The following RSPO2 variants were observed in gnomAD, a reference collection of about 807,000 sequenced individuals.
RSPO2 encodes R-spondin-2.
A neutral mutation model predicts 30.9 loss-of-function variants in RSPO2; 14 were observed. The observed-to-expected ratio is 0.45, with a 90% CI of 0.30 to 0.71. The LOEUF (loss-of-function observed/expected upper bound fraction) is 0.71, where lower values mean the gene tolerates loss of function less well. Among genes scored for constraint, RSPO2 ranks in the 30% least tolerant of loss-of-function variants. The pLI, the probability that RSPO2 is intolerant of heterozygous loss-of-function variation, is 0.08. For missense variants in RSPO2, 264 were observed against 301.9 expected (o/e 0.87, Z 0.93); for synonymous variants, 107 against 96.4 (o/e 1.11, Z -0.64).
chr8:107,962,079 A>G (rs1347600246), intron 3 of RSPO2, among the ~76,000 whole-genome samples: 3 of 152,236 alleles, frequency 2.0e-5, no homozygotes, highest in Admixed American at 6.5e-5. Flanking sequence ...CGCAATTGAC[A>G]GCACGTAAAG....
At chr8:108,067,743 A>G (rs1812716941) in intron 2 of RSPO2, among the ~76,000 whole-genome samples, 1 of 152,206 alleles carries the variant, frequency 6.6e-6, no homozygotes, top group African/African-American at 2.4e-5. Flanking sequence ...GATTTCACTA[A>G]TGCTCCATAA....
intron 2 of RSPO2, among the ~76,000 whole-genome samples, chr8:108,020,077 C>CAAA (rs34726560): frequency 1.8e-5 from 2 of 111,036 alleles, no homozygotes; most frequent in Non-Finnish European, 1.8e-5. Context: ...ATAAAAATTA[C>CAAA]AAAAAAAAAA....
At chr8:107,901,590 C>A (rs1396495267) in intron 5 of RSPO2, among the ~76,000 whole-genome samples, 1 of 152,242 alleles carries the variant, frequency 6.6e-6, no homozygotes, top group Non-Finnish European at 1.5e-5. Flanking sequence ...CTATCTATAG[C>A]AAACATACCA....
chr8:108,049,544 T>TC (rs1586658014), intron 2 of RSPO2, among the ~76,000 whole-genome samples: 1 of 152,024 alleles, frequency 6.6e-6, no homozygotes, highest in South Asian at 2.1e-4. Context: ...CCTCATGCTC[T>TC]CCCTCCCCTT....
chr8:107,990,349 C>T (rs1814806656), intron 2 of RSPO2, among the ~76,000 whole-genome samples: 1 of 152,162 alleles, frequency 6.6e-6, no homozygotes, highest in Non-Finnish European at 1.5e-5. Flanking sequence ...GACGCAACTT[C>T]AGCAAAGTCT....
chr8:108,082,059 CCA>C, intron 2 of RSPO2: 19 of 239,206 alleles, frequency 7.9e-5, no homozygotes, highest in South Asian at 3.0e-4. Context: ...CACCCACACA[CCA>C]CACACACACT....
intron 2 of RSPO2, among the ~76,000 whole-genome samples, chr8:108,062,041 T>C (rs1431029086): frequency 6.6e-6 from 1 of 151,726 alleles, no homozygotes; most frequent in Admixed American, 6.6e-5. Flanking sequence ...AAGCAGTGTG[T>C]AGAGGGAAAC....
chr8:107,915,511 GAGAATAGA>G (rs1811950674), intron 5 of RSPO2, among the ~76,000 whole-genome samples: 1 of 152,168 alleles, frequency 6.6e-6, no homozygotes, highest in African/African-American at 2.4e-5. Flanking sequence ...TTCTCAGATG[GAGAATAGA>G]AGGATAGTTT....
At chr8:107,919,771 T>C (rs1812094377) in intron 5 of RSPO2, among the ~76,000 whole-genome samples, 1 of 152,048 alleles carries the variant, frequency 6.6e-6, no homozygotes, top group Non-Finnish European at 1.5e-5. Flanking sequence ...CCTTAAAAAC[T>C]CTGATCCCTG....
chr8:108,033,511 G>C (rs1811495898), intron 2 of RSPO2, among the ~76,000 whole-genome samples: 1 of 152,182 alleles, frequency 6.6e-6, no homozygotes, highest in Non-Finnish European at 1.5e-5. Flanking sequence ...TCTTTTTCAA[G>C]TCAGAGTGTC....
At chr8:107,935,375 G>A (rs1005151798) in intron 5 of RSPO2, among the ~76,000 whole-genome samples, 1 of 152,024 alleles carries the variant, frequency 6.6e-6, no homozygotes, top group Non-Finnish European at 1.5e-5. Context: ...ATTTACCTTA[G>A]AATTTTGTAA....
chr8:107,984,583 T>A (rs995335705), intron 3 of RSPO2, among the ~76,000 whole-genome samples: 1 of 152,238 alleles, frequency 6.6e-6, no homozygotes, highest in African/African-American at 2.4e-5. Context: ...TATGCTTTTT[T>A]AAACAAATTA....
intron 2 of RSPO2, among the ~76,000 whole-genome samples, chr8:108,056,027 G>C (rs1812231563): frequency 6.6e-6 from 1 of 152,142 alleles, no homozygotes; most frequent in South Asian, 2.1e-4. Flanking sequence ...TCATCTTTAA[G>C]ATGGAGAGAA....
chr8:108,057,287 T>C (rs565843673), intron 2 of RSPO2, among the ~76,000 whole-genome samples: 1 of 151,964 alleles, frequency 6.6e-6, no homozygotes, highest in African/African-American at 2.4e-5. Flanking sequence ...CAAAACTTTA[T>C]ATTTATGTAG....
At chr8:108,068,345 C>T (rs1343146083) in intron 2 of RSPO2, among the ~76,000 whole-genome samples, 3 of 152,116 alleles carry the variant, frequency 2.0e-5, no homozygotes, top group Admixed American at 6.5e-5. Flanking sequence ...CAGGGGGTGC[C>T]ATTAATATTC....
chr8:107,981,613 T>C (rs1256779161), intron 3 of RSPO2, among the ~76,000 whole-genome samples: 8 of 152,180 alleles, frequency 5.3e-5, no homozygotes, highest in Admixed American at 4.6e-4. Context: ...ACCTAAATAG[T>C]GATCTTGGAG....
intron 2 of RSPO2, among the ~76,000 whole-genome samples, chr8:107,996,120 G>A (rs1186361289): frequency 6.6e-6 from 1 of 152,106 alleles, no homozygotes; most frequent in Non-Finnish European, 1.5e-5. Context: ...AAAAAATTGA[G>A]GGAGATGGGA....
chr8:108,005,149 G>A (rs1026076753), intron 2 of RSPO2, among the ~76,000 whole-genome samples: 6 of 152,170 alleles, frequency 3.9e-5, no homozygotes, highest in African/African-American at 1.4e-4. Context: ...CATATATTTG[G>A]GGGATAATGT....
At chr8:107,934,564 G>T (rs1812656612) in intron 5 of RSPO2, among the ~76,000 whole-genome samples, 2 of 151,868 alleles carry the variant, frequency 1.3e-5, no homozygotes, top group Non-Finnish European at 2.9e-5. Flanking sequence ...TAGAGACAGG[G>T]TTTCTTCATG....
Sources: gnomAD v4.1 joint callset for allele counts (sites outside exome capture counted in the v4.1 genomes callset) on GRCh38, gnomAD v4.1.1 for gene constraint, MANE v1.5 for transcripts, NCBI Gene and HGNC (gene_info 2026-07-23, HGNC 2026-07-21) for gene names.